Variants in DLEC1 observed in about 807,000 individuals in gnomAD.
DLEC1 encodes the protein deleted in lung and esophageal cancer protein 1.
A neutral mutation model predicts 198.1 loss-of-function variants in DLEC1; 146 were observed. The ratio of observed to expected loss-of-function variants is 0.74; its 90% confidence interval spans 0.64 to 0.85. The LOEUF (loss-of-function observed/expected upper bound fraction) is 0.85, where lower values mean the gene tolerates loss of function less well. Ranked by LOEUF, DLEC1 falls within the 40% of genes least tolerant of loss-of-function variation. The pLI is 0.00. For missense variants in DLEC1, 2,233 were observed against 2,220.0 expected, an observed-to-expected ratio of 1.01 and a Z score of -0.12; for synonymous variants, 897 against 866.8, an observed-to-expected ratio of 1.03 and a Z score of -0.61.
intron 10 of DLEC1, 46 bp downstream of exon 10, chr3:38,088,434 C>T (rs1698578690): frequency 2.2e-5 from 34 of 1,553,402 alleles, no homozygotes; most frequent in Non-Finnish European, 3.0e-5. Context: ...TGCTTGCATG[C>T]TTGCATTTGT....
rs1174798793 is a variant in DLEC1, at chr3:38,065,304, G to A, written c.1173+1385G>A. On this transcript the variant is annotated intron_variant, in intron 6 of 36. Transcript: ENST00000308059. Reference sequence around the variant, plus strand: ...ATGGCGGCAGTACAGTCCAGCCTCCGCTCGGCATCAGAGGGAGACCGTGCA... The same window carrying A: ...ATGGCGGCAGTACAGTCCAGCCTCCACTCGGCATCAGAGGGAGACCGTGCA... Among the ~76,000 whole-genome samples the A allele has an allele frequency of 3.3e-5, 5 of 152,268 alleles. 1 individual carries two copies. Among genetic ancestry groups the A allele is most frequent in the African/African-American group, 4.8e-5 (2 of 41,556 alleles).
chr3:38,110,983 TAC>T (rs1474620103), intron 23 of DLEC1, among the ~76,000 whole-genome samples: 1 of 152,056 alleles, frequency 6.6e-6, no homozygotes, highest in Non-Finnish European at 1.5e-5. Context: ...CATGCTCATA[TAC>T]ACACACACCC....
intron 2 of DLEC1, among the ~76,000 whole-genome samples, chr3:38,057,150 T>G (rs887480017): frequency 6.6e-6 from 1 of 152,216 alleles, no homozygotes; most frequent in Non-Finnish European, 1.5e-5. Context: ...ATAGGTAGGT[T>G]GTTGTCTATC....
intron 21 of DLEC1, 94 bp downstream of exon 21, chr3:38,108,609 T>C (rs894321127): frequency 7.4e-6 from 7 of 948,752 alleles, no homozygotes; most frequent in African/African-American, 6.5e-5. Flanking sequence ...TTAGGCCACA[T>C]TGCTGGTTCT....
In DLEC1 at chr3:38,088,331, T is replaced by G. The variant is rs1053542415; in HGVS notation, c.1608T>G (p.Pro536=). 1.9e-6 allele frequency: 3 copies of G among 1,613,970 alleles called. No individual in the cohort carries two copies. In the African/African-American group the frequency reaches 4.0e-5, roughly 22 times the overall value. ...CCGTCGGCTTTGTTGAACAACCTCCTTTTGGAATCCTGCCTTCGGTGTTTG... is the reference window on the plus strand; with the variant it reads ...CCGTCGGCTTTGTTGAACAACCTCCGTTTGGAATCCTGCCTTCGGTGTTTG... ...IATVGFVEQP[P]FGILPSVFEL... The change falls in exon 10 of 37, where the codon CCT becomes CCG. Residue 536 remains proline, a synonymous_variant. Transcript: ENST00000308059.
intron 35 of DLEC1, 117 bp from the exon 36 acceptor site, chr3:38,121,954 C>T: frequency 6.6e-7 from 1 of 1,525,624 alleles, no homozygotes; most frequent in Non-Finnish European, 8.8e-7. Flanking sequence ...CTCAGGGTTG[C>T]CCTGCCCTGC....
In DLEC1 at chr3:38,117,294, G is replaced by A; in HGVS notation, c.4392G>A (p.Arg1464=). The change falls in exon 31 of 37, where the codon AGG becomes AGA. Residue 1464 remains arginine, a synonymous_variant. Coordinates refer to ENST00000308059, the MANE Select transcript of DLEC1 (RefSeq NM_007335.4). Reference sequence around the variant, plus strand: ...AACTGGACCTGCATAGCTACGTGAGGCCTGCACAGTGAGTCAGCTGGGGTG... The same window carrying A: ...AACTGGACCTGCATAGCTACGTGAGACCTGCACAGTGAGTCAGCTGGGGTG... ...PLKLDLHSYV[R]PAQLSVELDY... 1 of 1,614,092 alleles carries A rather than the reference G, an allele frequency of 6.2e-7. No individual in the cohort carries two copies. Among genetic ancestry groups the A allele is most frequent in the Non-Finnish European group, 8.5e-7 (1 of 1,179,976 alleles).
chr3:38,108,465 G>A lies in DLEC1; in HGVS notation c.3079G>A (p.Gly1027Ser). ...AGTCTCCCCCAAACATGGCCTGCTG[G>A]GCCCAAGTGAGGAGTGCCAGCTCAA... ...VTVSPKHGLL[G>S]PSEECQLKLE... The change falls in exon 21 of 37, where the codon GGC (glycine) becomes AGC (serine). Residue 1027 changes from glycine to serine, a missense_variant. Physicochemically the swap from Gly to Ser is moderately conservative, Grantham distance 56. Transcript: ENST00000308059. 1 of 1,614,168 alleles carries A rather than the reference G, an allele frequency of 6.2e-7. No homozygotes were observed.
intron 6 of DLEC1, 64 bp from the exon 7 acceptor site, chr3:38,084,094 G>A (rs78482020): frequency 0.062 from 91,043 of 1,476,902 alleles, 3,278 homozygotes; most frequent in South Asian, 0.11. Flanking sequence ...AGTAAATCCT[G>A]GACATCGTAT....
At chr3:38,049,729 G>T (rs1260546767) in intron 2 of DLEC1, among the ~76,000 whole-genome samples, 3 of 152,224 alleles carry the variant, frequency 2.0e-5, no homozygotes, top group Non-Finnish European at 4.4e-5. Context: ...ACTGTGGAAA[G>T]AATTGTATCA....
chr3:38,071,241 AAAG>A (rs1244742996), intron 6 of DLEC1, among the ~76,000 whole-genome samples: 3 of 152,218 alleles, frequency 2.0e-5, no homozygotes, highest in Admixed American at 6.5e-5. Flanking sequence ...GGTCTGAATA[AAAG>A]AAGGAGAAAA....
chr3:38,096,838 C>T, intron 15 of DLEC1, 101 bp downstream of exon 15: 1 of 1,380,650 alleles, frequency 7.2e-7, no homozygotes, highest in South Asian at 1.4e-5. Flanking sequence ...GTAGCAGCCA[C>T]TGCATGGAGG....
chr3:38,042,552 C>CTT (rs71635860), intron 1 of DLEC1, among the ~76,000 whole-genome samples: 16,879 of 104,710 alleles, frequency 0.16, 1,970 homozygotes, highest in East Asian at 0.32. Flanking sequence ...ATGTTGCTGG[C>CTT]TTTTTTTTTT....
intron 2 of DLEC1, among the ~76,000 whole-genome samples, chr3:38,047,197 T>TC (rs1449667137): frequency 6.6e-6 from 1 of 152,204 alleles, no homozygotes; most frequent in African/African-American, 2.4e-5. Flanking sequence ...CAAAGCTCCA[T>TC]CGCCATACCA....
In DLEC1 at chr3:38,062,285, G is replaced by A. The variant is rs116202356; in HGVS notation, c.790G>A (p.Glu264Lys). 0.014 allele frequency: 23,247 copies of A among 1,614,162 alleles called. 216 individuals carry two copies. Among genetic ancestry groups the A allele is most frequent in the Non-Finnish European group, 0.016 (19,207 of 1,180,028 alleles). ...ATGCAGGAAGAAGCTTGCTGAGTTC[G>A]AAGATGAGTTAGACCACACTGTGGA... ...DSCRKKLAEFEDELDHTVDSL... is the reference protein window; with the variant it reads ...DSCRKKLAEFKDELDHTVDSL... Residue 264 changes from glutamate to lysine, a missense_variant, in exon 4 of 37, where the codon GAA becomes AAA. By Grantham distance (56) the Glu-to-Lys change is moderately conservative. Transcript: ENST00000308059.
In DLEC1 at chr3:38,097,510, C is replaced by T. The variant is rs1699088262; in HGVS notation, c.2438C>T (p.Pro813Leu). 1 of 1,614,028 alleles carries T rather than the reference C, an allele frequency of 6.2e-7. No individual in the cohort carries two copies. The highest frequency in any genetic ancestry group is 1.3e-5 in the African/African-American group (1 of 74,922). ...CTCCCTTTCCCTCTCTTCTCAGAGC[C>T]CAGTGAGGTCGGGGATTTTGAGTTG... The part of the protein sequence containing the change: ...EVEPGTGVIE[P>L]SEVGDFELNF... The change falls in exon 17 of 37, where the codon CCC (proline) becomes CTC (leucine). Residue 813 changes from proline to leucine, a missense_variant. Physicochemically the swap from Pro to Leu is moderately conservative, Grantham distance 98 (BLOSUM62 -3). Transcript: ENST00000308059.
In DLEC1 at chr3:38,059,742, T is replaced by G. The variant is rs752326062; in HGVS notation, c.563T>G (p.Val188Gly). Residue 188 changes from valine to glycine, a missense_variant and splice_region_variant, in exon 3 of 37, where the codon GTG (valine) becomes GGG (glycine). Physicochemically the swap from Val to Gly is moderately radical, Grantham distance 109. Transcript: ENST00000308059. Reference sequence around the variant, plus strand: ...TGTTCTCCCCTTCCCTTCTATGAAGTGAAGAGTGTCTCCAGATGGTGTATA... The same window carrying G: ...TGTTCTCCCCTTCCCTTCTATGAAGGGAAGAGTGTCTCCAGATGGTGTATA... ...DLESLVRLPP[V>G]KSVSRWCIDS... 4 of 1,610,110 alleles carry G rather than the reference T, an allele frequency of 2.5e-6. No individual in the cohort carries two copies. The African/African-American group carries it at 5.3e-5, about 22-fold the overall frequency.
chr3:38,076,109 A>G lies in DLEC1; in HGVS notation c.1174-8049A>G, dbSNP rs967246394. Among the ~76,000 whole-genome samples the G allele has an allele frequency of 7.2e-5, 11 of 152,340 alleles. 1 individual carries two copies. The Middle Eastern group carries it at 0.01, about 141-fold the overall frequency. ...TCCTTTGTCTCTACCAGAAAATGAA[A>G]GGAATTGAAATTAAGAGAAGGGAGA... is the stretch of plus-strand genomic sequence containing the variant. On this transcript the variant is annotated intron_variant, in intron 6 of 36. Coordinates refer to ENST00000308059, the MANE Select transcript of DLEC1 (RefSeq NM_007335.4).
Position 38,111,766 on chromosome 3 carries a change from G to T in DLEC1, c.3514+19G>T. On this transcript the variant is annotated intron_variant, in intron 24 of 36. Coordinates refer to ENST00000308059, the MANE Select transcript of DLEC1 (RefSeq NM_007335.4). ...CAGCTGGGTAAGCGCCACCAGGGTG[G>T]GGCTTCGGGGCCCAGGCCACGGCCA... The T allele has an allele frequency of 6.2e-7, 1 of 1,606,422 alleles. No individual in the cohort carries two copies.
Sources: gnomAD v4.1 joint callset for allele counts (sites outside exome capture counted in the v4.1 genomes callset) on GRCh38, gnomAD v4.1.1 for gene constraint, MANE v1.5 for transcripts, NCBI Gene and HGNC (gene_info 2026-07-23, HGNC 2026-07-21) for gene names.